Variants in PPP3CA observed in about 807,000 individuals in gnomAD.
PPP3CA encodes protein phosphatase 3 catalytic subunit alpha.
Under a neutral mutation model 66.5 loss-of-function variants are expected in PPP3CA, and 14 were observed. That is an observed-to-expected ratio of 0.21 (90% confidence interval 0.14 to 0.33). PPP3CA has a LOEUF of 0.33. PPP3CA is among the 10% of genes least tolerant of loss of function. PPP3CA has a pLI of 1.00. For synonymous variants in PPP3CA, 232 were observed against 226.2 expected (o/e 1.03, Z -0.23); for missense variants, 317 against 639.5 (o/e 0.50, Z 5.44).
chr4:101,324,330 T>C (rs1413122655), intron 1 of PPP3CA, among the ~76,000 whole-genome samples: 1 of 152,094 alleles, frequency 6.6e-6, no homozygotes, highest in Non-Finnish European at 1.5e-5. Flanking sequence ...GCAGGTAGTC[T>C]GGCTCCAGAC....
At chr4:101,142,927 T>C (rs1199712410) in intron 2 of PPP3CA, among the ~76,000 whole-genome samples, 1 of 152,204 alleles carries the variant, frequency 6.6e-6, no homozygotes, top group Non-Finnish European at 1.5e-5. Context: ...GGAACTGGAC[T>C]GTGCAAGGCC....
chr4:101,099,029 AT>A (rs1730326852), intron 4 of PPP3CA, among the ~76,000 whole-genome samples: 2 of 152,180 alleles, frequency 1.3e-5, no homozygotes, highest in South Asian at 4.1e-4. Context: ...AAATATTGAT[AT>A]GTATAGAGAG....
chr4:101,285,459 T>A (rs1474294390), intron 1 of PPP3CA, among the ~76,000 whole-genome samples: 2 of 152,198 alleles, frequency 1.3e-5, no homozygotes, highest in Non-Finnish European at 2.9e-5. Flanking sequence ...ATACATGTTT[T>A]TGTACGGCTT....
At chr4:101,045,837 C>G (rs1727742044) in intron 10 of PPP3CA, among the ~76,000 whole-genome samples, 1 of 152,148 alleles carries the variant, frequency 6.6e-6, no homozygotes, top group African/African-American at 2.4e-5. Flanking sequence ...TGAGTAGAGA[C>G]AGACATGTGA....
intron 1 of PPP3CA, among the ~76,000 whole-genome samples, chr4:101,278,562 G>A (rs1727583032): frequency 6.6e-6 from 1 of 152,194 alleles, no homozygotes; most frequent in African/African-American, 2.4e-5. Flanking sequence ...GGATACCACA[G>A]AGGTGGAATA....
At chr4:101,115,359 T>G (rs376969339) in intron 2 of PPP3CA, among the ~76,000 whole-genome samples, 1 of 151,888 alleles carries the variant, frequency 6.6e-6, no homozygotes, top group African/African-American at 2.4e-5. Context: ...AACCAAGCAT[T>G]TGCCTTGGAT....
At chr4:101,324,023 G>A (rs1045290541) in intron 1 of PPP3CA, among the ~76,000 whole-genome samples, 5 of 152,074 alleles carry the variant, frequency 3.3e-5, no homozygotes, top group African/African-American at 4.8e-5. Context: ...TGAGGCACAA[G>A]AATCACTTGA....
In PPP3CA at chr4:101,339,886, T is replaced by C. The variant is rs185878572; in HGVS notation, c.58+6853A>G. Among the ~76,000 whole-genome samples the C allele has an allele frequency of 1.2e-4, 19 of 152,318 alleles. 1 individual carries two copies. The highest frequency in any genetic ancestry group is 4.6e-4 in the African/African-American group (19 of 41,578). ...TAGAATTTCCAAAACATTCTGATAT[T>C]ACATAGAAAGAACTGGACATTTTAA... On this transcript the variant is annotated intron_variant, in intron 1 of 13. Coordinates refer to ENST00000394854, the MANE Select transcript of PPP3CA (RefSeq NM_000944.5).
chr4:101,337,474 C>T (rs895958034), intron 1 of PPP3CA, among the ~76,000 whole-genome samples: 5 of 152,118 alleles, frequency 3.3e-5, no homozygotes, highest in African/African-American at 4.8e-5. Context: ...GCACGTGGAA[C>T]GAGATAGAGT....
chr4:101,233,141 A>G (rs1460941143), intron 1 of PPP3CA, among the ~76,000 whole-genome samples: 2 of 151,852 alleles, frequency 1.3e-5, no homozygotes, highest in South Asian at 2.1e-4. Flanking sequence ...TGAAAACTTC[A>G]TATTAGAAAG....
intron 10 of PPP3CA, among the ~76,000 whole-genome samples, chr4:101,043,523 G>A (rs1727622904): frequency 6.7e-6 from 1 of 150,094 alleles, no homozygotes; most frequent in African/African-American, 2.5e-5. Context: ...CCCATAAATA[G>A]TGAATCACAA....
In PPP3CA at chr4:101,346,825, T is replaced by G; in HGVS notation, c.-29A>C. 1.2e-6 allele frequency: 2 copies of G among 1,603,754 alleles called. No homozygotes were observed. Among genetic ancestry groups the G allele is most frequent in the Non-Finnish European group, 1.7e-6 (2 of 1,175,996 alleles). Reference sequence around the variant, plus strand: ...CAGCTGCCGGAGGACAGCGACGCGCTGCTCGTCCGTCCGACTGCACACCCC... The same window carrying G: ...CAGCTGCCGGAGGACAGCGACGCGCGGCTCGTCCGTCCGACTGCACACCCC... On this transcript the variant is annotated 5_prime_UTR_variant, in exon 1 of 14. Coordinates refer to ENST00000394854, the MANE Select transcript of PPP3CA (RefSeq NM_000944.5).
intron 8 of PPP3CA, among the ~76,000 whole-genome samples, chr4:101,073,279 CTTTT>C (rs749407027): frequency 3.7e-5 from 5 of 134,844 alleles, no homozygotes; most frequent in East Asian, 2.2e-4. Flanking sequence ...CACTTACATA[CTTTT>C]TTTTTTTTTT....
intron 1 of PPP3CA, among the ~76,000 whole-genome samples, chr4:101,317,253 A>AACACACACACACACACACACACACACAC (rs3840161): frequency 2.1e-5 from 3 of 145,312 alleles, no homozygotes; most frequent in African/African-American, 7.8e-5. Flanking sequence ...CGGTACTCCC[A>AACACACACACACACACACACACACACAC]ACACACACAC....
At chr4:101,068,296 T>C (rs917763348) in intron 8 of PPP3CA, among the ~76,000 whole-genome samples, 11 of 152,150 alleles carry the variant, frequency 7.2e-5, no homozygotes, top group African/African-American at 2.7e-4. Flanking sequence ...CTTCCAATTC[T>C]TCCACCCGCA....
chr4:101,230,892 G>T (rs1429697488), intron 1 of PPP3CA, among the ~76,000 whole-genome samples: 3 of 151,694 alleles, frequency 2.0e-5, no homozygotes, highest in East Asian at 1.9e-4. Flanking sequence ...AAGACTTTCT[G>T]TGTATTCTCT....
intron 8 of PPP3CA, among the ~76,000 whole-genome samples, chr4:101,073,045 T>A (rs1728989607): frequency 6.6e-6 from 1 of 151,704 alleles, no homozygotes; most frequent in Non-Finnish European, 1.5e-5. Context: ...TAATTACACA[T>A]ATTGAATCTT....
At chr4:101,201,615 T>C (rs1724969771) in intron 1 of PPP3CA, among the ~76,000 whole-genome samples, 1 of 152,240 alleles carries the variant, frequency 6.6e-6, no homozygotes, top group African/African-American at 2.4e-5. Flanking sequence ...CCAGACACAT[T>C]TATTTCATCC....
chr4:101,239,099 T>C (rs988704864), intron 1 of PPP3CA, among the ~76,000 whole-genome samples: 1 of 152,102 alleles, frequency 6.6e-6, no homozygotes, highest in Non-Finnish European at 1.5e-5. Flanking sequence ...GGCAGAACTT[T>C]AAACAAAACT....
Sources: allele counts gnomAD v4.1 joint callset (sites outside exome capture counted in the v4.1 genomes callset), GRCh38; gene constraint gnomAD v4.1.1; transcripts MANE v1.5; gene names NCBI Gene and HGNC (gene_info 2026-07-23, HGNC 2026-07-21).